Variants in U2SURP observed in about 807,000 individuals in gnomAD.
U2SURP encodes U2 snRNP associated SURP domain containing.
Under a neutral mutation model 144.9 loss-of-function variants are expected in U2SURP, and 9 were observed. The ratio of observed to expected loss-of-function variants is 0.06; its 90% CI spans 0.04 to 0.11. The LOEUF is 0.11. Among genes scored for constraint, U2SURP ranks in the 10% least tolerant of loss-of-function variants. The probability of loss-of-function intolerance (pLI) is 1.00; values close to 1 mark genes in which losing one functional copy is unlikely to be tolerated. For missense variants in U2SURP, 724 were observed against 1,226.7 expected, an observed-to-expected ratio of 0.59 and a Z score of 6.12; for synonymous variants, 408 against 396.8, an observed-to-expected ratio of 1.03 and a Z score of -0.33.
At position 143,001,595 on chromosome 3, in the gene U2SURP, T is replaced by C. The variant is rs1202956943; in HGVS notation, c.-34T>C. ...CTTTCGGTGCTCGACTCGCCCGTGC[T>C]GCTGCCGCCGCCGAAGGAGGGGCAA... On this transcript the variant is annotated 5_prime_UTR_variant, in exon 1 of 28. Coordinates refer to ENST00000473835, the MANE Select transcript of U2SURP (RefSeq NM_001080415.2). 1 of 1,613,204 alleles carries C rather than the reference T, an allele frequency of 6.2e-7. No homozygotes were observed.
At chr3:143,028,122 T>A (rs1359033482) in intron 14 of U2SURP, among the ~76,000 whole-genome samples, 3 of 152,142 alleles carry the variant, frequency 2.0e-5, no homozygotes, top group Non-Finnish European at 4.4e-5. Context: ...GATGCATGCC[T>A]TCTGAGTATT....
intron 24 of U2SURP, among the ~76,000 whole-genome samples, chr3:143,044,609 T>G (rs1934318856): frequency 6.6e-6 from 1 of 152,150 alleles, no homozygotes; most frequent in Non-Finnish European, 1.5e-5. Context: ...TCCCAGTAAA[T>G]GCTAGCAGTA....
At chr3:143,017,905 C>A (rs993266625) in intron 6 of U2SURP, among the ~76,000 whole-genome samples, 2 of 151,762 alleles carry the variant, frequency 1.3e-5, no homozygotes, top group East Asian at 3.9e-4. Context: ...ATTACAGACG[C>A]CTGGCTAAAA....
intron 17 of U2SURP, 30 bp from the exon 18 acceptor site, chr3:143,033,241 C>T: frequency 7.6e-7 from 1 of 1,310,616 alleles, no homozygotes; most frequent in Non-Finnish European, 1.1e-6. Context: ...CTTATATTAA[C>T]CTATTTTGTG....
At chr3:143,055,311 A>C (rs1441724786) in intron 27 of U2SURP, among the ~76,000 whole-genome samples, 192 bp downstream of exon 27, 1 of 152,056 alleles carries the variant, frequency 6.6e-6, no homozygotes, top group East Asian at 1.9e-4. Context: ...ACTGAAGTGA[A>C]GGCTTCCAAC....
rs1935332181 is a variant in U2SURP at position 143,060,643 on chromosome 3, G to T, written c.*4193G>T. Reference sequence around the variant, plus strand: ...CAGCTTTCTCTCAAGTGAAATAAGTGATGTGACATGTTTATCAGTTATGGC... The same window carrying T: ...CAGCTTTCTCTCAAGTGAAATAAGTTATGTGACATGTTTATCAGTTATGGC... On this transcript the variant is annotated 3_prime_UTR_variant, in exon 28 of 28. Coordinates refer to ENST00000473835, the MANE Select transcript of U2SURP (RefSeq NM_001080415.2). The T allele has an allele frequency of 6.6e-6, 1 of 151,998 alleles. No individual in the cohort carries two copies. The highest frequency in any genetic ancestry group is 2.1e-4 in the South Asian group (1 of 4,830). The allele number at this position is 151,998 out of a possible 1,614,324, so 9.4% of individuals were successfully genotyped here.
chr3:143,021,057 G>A (rs1169744264), intron 8 of U2SURP, among the ~76,000 whole-genome samples: 2 of 152,158 alleles, frequency 1.3e-5, no homozygotes, highest in Admixed American at 1.3e-4. Flanking sequence ...CGGGCGTGGT[G>A]GTGCGTGCCT....
chr3:143,014,349 A>G lies in U2SURP; in HGVS notation c.261A>G (p.Gly87=). 1.2e-6 allele frequency: 2 copies of G among 1,607,668 alleles called. No individual in the cohort carries two copies. The highest frequency in any genetic ancestry group is 1.7e-6 in the Non-Finnish European group (2 of 1,176,382). Residue 87 remains glycine (G), a synonymous_variant, in exon 4 of 28, where the codon GGA becomes GGG. Transcript: ENST00000473835. ...LENKLKAFSI[G]KMSTAKRTLS... is the part of the protein sequence containing the mutation. ...ACAAACTTAAAGCATTCAGTATTGGAAAAATGAGTACAGCTAAGCGAACTT... is the reference window on the plus strand; with the variant it reads ...ACAAACTTAAAGCATTCAGTATTGGGAAAATGAGTACAGCTAAGCGAACTT...
At chr3:143,004,877 G>A (rs2108265038) in intron 1 of U2SURP, among the ~76,000 whole-genome samples, 2 of 152,134 alleles carry the variant, frequency 1.3e-5, no homozygotes, top group Middle Eastern at 6.8e-3. Flanking sequence ...GTTGGGGAGG[G>A]GTGTTGATGT....
chr3:143,018,164 A>T (rs995028130), intron 6 of U2SURP, among the ~76,000 whole-genome samples: 1 of 152,188 alleles, frequency 6.6e-6, no homozygotes, highest in Non-Finnish European at 1.5e-5. Flanking sequence ...TATCACCCTA[A>T]AAAGAAATCC....
chr3:143,027,607 A>G (rs919960680), intron 14 of U2SURP, among the ~76,000 whole-genome samples: 10 of 152,290 alleles, frequency 6.6e-5, no homozygotes, highest in Admixed American at 2.6e-4. Flanking sequence ...GTATTATAGC[A>G]TGTATCGGGA....
chr3:143,046,994 G>T (rs1219883046), intron 24 of U2SURP, among the ~76,000 whole-genome samples: 69 of 139,550 alleles, frequency 4.9e-4, no homozygotes, highest in Non-Finnish European at 7.1e-4. Context: ...GGCCGGGCGG[G>T]GGGCTGACCC....
In U2SURP at chr3:143,032,953, G is replaced by A. The variant is rs1484625734; in HGVS notation, c.1773+7G>A. ...GACACCCCTTCCTAAAAAGGTATGGGAATGAATTTTAAGAAAAGGGGAGAT... is the reference window on the plus strand; with the variant it reads ...GACACCCCTTCCTAAAAAGGTATGGAAATGAATTTTAAGAAAAGGGGAGAT... On this transcript the variant is annotated splice_region_variant and intron_variant, in intron 17 of 27. Coordinates refer to ENST00000473835, the MANE Select transcript of U2SURP (RefSeq NM_001080415.2). The A allele has an allele frequency of 6.2e-7, 1 of 1,605,532 alleles. No homozygotes were observed.
intron 24 of U2SURP, among the ~76,000 whole-genome samples, chr3:143,048,977 G>A (rs550657190): frequency 3.0e-4 from 45 of 151,708 alleles, no homozygotes; most frequent in Admixed American, 1.1e-3. Flanking sequence ...ACTTGGGGCC[G>A]GGCATGGCGG....
intron 24 of U2SURP, among the ~76,000 whole-genome samples, chr3:143,050,647 A>G (rs1934808409): frequency 6.6e-6 from 1 of 152,126 alleles, no homozygotes; most frequent in South Asian, 2.1e-4. Flanking sequence ...TTGCTTTTCT[A>G]ATTTGGGGAA....
chr3:143,045,747 T>C (rs1411516811), intron 24 of U2SURP, among the ~76,000 whole-genome samples: 1 of 152,250 alleles, frequency 6.6e-6, no homozygotes, highest in Non-Finnish European at 1.5e-5. Context: ...AGTGACTGCC[T>C]CTCACAACTT....
chr3:143,050,770 G>A (rs545833291), intron 24 of U2SURP, among the ~76,000 whole-genome samples, 169 bp from the exon 25 acceptor site: 1 of 152,264 alleles, frequency 6.6e-6, no homozygotes, highest in South Asian at 2.1e-4. Flanking sequence ...TTCCCATCTG[G>A]TCAGCTGATT....
chr3:143,044,390 G>A (rs993565790), intron 24 of U2SURP, among the ~76,000 whole-genome samples: 5 of 143,280 alleles, frequency 3.5e-5, no homozygotes, highest in Non-Finnish European at 6.0e-5. Context: ...CCAGGCTCAA[G>A]AGATTCTCCC....
intron 24 of U2SURP, among the ~76,000 whole-genome samples, chr3:143,046,297 A>ATTTTTTTTTTTTTTTTTTTTTTTTTT (rs11400849): frequency 3.8e-5 from 4 of 106,392 alleles, no homozygotes; most frequent in Non-Finnish European, 7.7e-5. Context: ...TTTATTTTTT[A>ATTTTTTTTTTTTTTTTTTTTTTTTTT]TTTTTTTTTA....
Sources: gnomAD v4.1 joint callset for allele counts (sites outside exome capture counted in the v4.1 genomes callset) on GRCh38, gnomAD v4.1.1 for gene constraint, MANE v1.5 for transcripts, NCBI Gene and HGNC (gene_info 2026-07-23, HGNC 2026-07-21) for gene names.